ZNF639: variants seen among roughly 807,000 people sequenced by gnomAD.
ZNF639 encodes zinc finger protein 639.
ZNF639 carries 20 observed loss-of-function variants against 39.8 expected under a neutral mutation model. The ratio of observed to expected loss-of-function variants is 0.50; its 90% CI spans 0.35 to 0.73. The LOEUF (loss-of-function observed/expected upper bound fraction) is 0.73, where lower values mean the gene tolerates loss of function less well. Ranked by LOEUF, ZNF639 falls within the 30% of genes least tolerant of loss-of-function variation. The pLI, the probability that ZNF639 is intolerant of heterozygous loss-of-function variation, is 0.00. For synonymous variants in ZNF639, 176 were observed against 189.8 expected (o/e 0.93, Z 0.60); for missense variants, 477 against 566.2 (o/e 0.84, Z 1.60).
chr3:179,328,577 G>A (rs901947383), intron 3 of ZNF639, among the ~76,000 whole-genome samples: 1 of 151,942 alleles, frequency 6.6e-6, no homozygotes, highest in African/African-American at 2.4e-5. Context: ...CAGCTCTATG[G>A]GTTATAAATA....
intron 4 of ZNF639, 181 bp downstream of exon 4, chr3:179,329,909 C>CTT (rs71181282): frequency 0.02 from 4,174 of 208,076 alleles, 211 homozygotes; most frequent in African/African-American, 0.091. Flanking sequence ...TTTAACTATT[C>CTT]TTTTTTTTTT....
At chr3:179,324,633 T>G (rs1026072041) in intron 1 of ZNF639, among the ~76,000 whole-genome samples, 3 of 152,230 alleles carry the variant, frequency 2.0e-5, no homozygotes, top group African/African-American at 7.2e-5. Flanking sequence ...CCGATAGACA[T>G]TTGGTTATCG....
In ZNF639 at chr3:179,323,247, C is replaced by T. The variant is rs1010110461; in HGVS notation, c.-127C>T. On this transcript the variant is annotated 5_prime_UTR_variant, in exon 1 of 6. Coordinates refer to ENST00000496856, the MANE Select transcript of ZNF639 (RefSeq NM_001303426.2). ...CCTCCGCCTGCGCTCTCGGCCGCCG[C>T]CGCCTCTGCGTGGGCCGGCCGGGAG... 3 of 985,238 alleles carry T rather than the reference C, an allele frequency of 3.0e-6. No individual in the cohort carries two copies. Among genetic ancestry groups the T allele is most frequent in the African/African-American group, 3.5e-5 (2 of 57,196 alleles). The allele number at this position is 985,238 out of a possible 1,614,324, so 61.0% of individuals were successfully genotyped here.
rs774184463 is a variant in ZNF639 at position 179,334,096 on chromosome 3, G to A, written c.1132G>A (p.Val378Ile). Reference sequence around the variant, plus strand: ...ATGTAAAAACTTCTTTGTATGTCAAGTATGTGGTTTTCGGAGTAGACTTCA... The same window carrying A: ...ATGTAAAAACTTCTTTGTATGTCAAATATGTGGTTTTCGGAGTAGACTTCA... ...DKCKNFFVCQ[V>I]CGFRSRLHTN... is the part of the protein sequence containing the mutation. Residue 378 changes from valine (V) to isoleucine (I), a missense_variant, in exon 6 of 6, where the codon GTA becomes ATA. Physicochemically the swap from Val to Ile is conservative, Grantham distance 29 (BLOSUM62 3). Coordinates refer to ENST00000496856, the MANE Select transcript of ZNF639 (RefSeq NM_001303426.2). The A allele has an allele frequency of 6.2e-7, 1 of 1,613,816 alleles. No homozygotes were observed. The highest frequency in any genetic ancestry group is 2.2e-5 in the East Asian group (1 of 44,880).
At position 179,327,340 on chromosome 3, in the gene ZNF639, A is replaced by G. The variant is rs1242319422; in HGVS notation, c.-82-221A>G. 2.0e-5 allele frequency among the ~76,000 whole-genome samples: 3 copies of G among 152,230 alleles called. No homozygotes were observed. The East Asian group carries it at 5.8e-4, about 29-fold the overall frequency. ...GACTGTCTCAAAAAAAAAGAACTAT[A>G]GAAGGTAAATCATTTCAAAGAAATG... On this transcript the variant is annotated intron_variant, in intron 1 of 5. Transcript: ENST00000496856.
Position 179,329,685 on chromosome 3 carries a change from C to T in ZNF639, c.126C>T (p.Val42=). The change falls in exon 4 of 6, where the codon GTC becomes GTT. Residue 42 remains valine, a synonymous_variant. Coordinates refer to ENST00000496856, the MANE Select transcript of ZNF639 (RefSeq NM_001303426.2). ...TTTTCTCTGATCATTGTTACAGTGT[C>T]TGTTCTATGAGACAGCCAGATTTAA... ...NGIFSDHCYS[V]CSMRQPDLKY... 1 of 1,608,832 alleles carries T rather than the reference C, an allele frequency of 6.2e-7. No individual in the cohort carries two copies. Among genetic ancestry groups the T allele is most frequent in the Non-Finnish European group, 8.5e-7 (1 of 1,177,576 alleles).
In ZNF639 at chr3:179,323,194, G is replaced by C. The variant is rs1489330915; in HGVS notation, c.-180G>C. ...GGCCGGAGCAGCGCTGCCCGCCGCC[G>C]TGCGTCCGCGGGAAGGACCGCGCGG... On this transcript the variant is annotated 5_prime_UTR_variant, in exon 1 of 6. Coordinates refer to ENST00000496856, the MANE Select transcript of ZNF639 (RefSeq NM_001303426.2). 4 of 984,776 alleles carry C rather than the reference G, an allele frequency of 4.1e-6. No homozygotes were observed. The highest frequency in any genetic ancestry group is 1.2e-4 in the Admixed American group (2 of 16,194). 61.0% of individuals were successfully genotyped at this position (984,776 alleles called of 1,614,324 possible).
rs957139315 is a variant in ZNF639, at chr3:179,335,948, T to C, written c.*1526T>C. ...TGGGGTTAACAGGCGTCAGCCACCA[T>C]GCCAGGCTAATTTTGTATTTTTAGT... is the stretch of plus-strand genomic sequence containing the variant. On this transcript the variant is annotated 3_prime_UTR_variant, in exon 6 of 6. Coordinates refer to ENST00000496856, the MANE Select transcript of ZNF639 (RefSeq NM_001303426.2). 2.6e-5 allele frequency: 4 copies of C among 152,060 alleles called. No homozygotes were observed. Among genetic ancestry groups the C allele is most frequent in the Non-Finnish European group, 4.4e-5 (3 of 68,038 alleles). 9.4% of individuals were successfully genotyped at this position (152,060 alleles called of 1,614,324 possible). A position where few individuals can be genotyped will look rare whatever the true frequency, so the allele number is the denominator to read the frequency against.
At position 179,337,918 on chromosome 3, in the gene ZNF639, C is replaced by T. The variant is rs1711601991; in HGVS notation, c.*3496C>T. Reference sequence around the variant, plus strand: ...GAGTAGCTGGGATACAGGTGCCCACCACCACACCCAGCTAATTTTTCTATT... The same window carrying T: ...GAGTAGCTGGGATACAGGTGCCCACTACCACACCCAGCTAATTTTTCTATT... On this transcript the variant is annotated 3_prime_UTR_variant, in exon 6 of 6. Transcript: ENST00000496856. 6.6e-6 allele frequency: 1 copy of T among 152,180 alleles called. No individual in the cohort carries two copies. Among genetic ancestry groups the T allele is most frequent in the African/African-American group, 2.4e-5 (1 of 41,400 alleles). The allele number at this position is 152,180 out of a possible 1,614,324, so 9.4% of individuals were successfully genotyped here. A position where few individuals can be genotyped will look rare whatever the true frequency, so the allele number is the denominator to read the frequency against.
Position 179,333,342 on chromosome 3 carries a change from G to T in ZNF639, c.378G>T (p.Glu126Asp). The change falls in exon 6 of 6, where the codon GAG becomes GAT. Residue 126 changes from glutamate to aspartate, a missense_variant. By Grantham distance (45) the Glu-to-Asp change is conservative. Transcript: ENST00000496856. ...SPESVNQQTQ[E>D]ESPIEVHTAE... ...AATCAGTCAACCAGCAAACCCAAGA[G>T]GAGAGTCCTATAGAAGTTCACACTG... The T allele has an allele frequency of 6.2e-7, 1 of 1,614,030 alleles. No homozygotes were observed. The highest frequency in any genetic ancestry group is 8.5e-7 in the Non-Finnish European group (1 of 1,179,986).
At chr3:179,329,517 A>G (rs760874602) in intron 3 of ZNF639, 101 bp from the exon 4 acceptor site, 81 of 683,534 alleles carry the variant, frequency 1.2e-4, no homozygotes, top group Non-Finnish European at 2.0e-4. Context: ...TACAGATACT[A>G]TAATTAACAT....
At chr3:179,326,787 G>T (rs1048025118) in intron 1 of ZNF639, among the ~76,000 whole-genome samples, 4 of 151,542 alleles carry the variant, frequency 2.6e-5, no homozygotes, top group African/African-American at 9.7e-5. Context: ...CATCACACCC[G>T]GCTGATTTTT....
chr3:179,325,913 G>A (rs1727564718), intron 1 of ZNF639, among the ~76,000 whole-genome samples: 1 of 151,982 alleles, frequency 6.6e-6, no homozygotes, highest in Admixed American at 6.6e-5. Context: ...AACTGAAAAA[G>A]CACTATCTCA....
chr3:179,324,046 C>A (rs1560177318), intron 1 of ZNF639, among the ~76,000 whole-genome samples: 1 of 151,982 alleles, frequency 6.6e-6, no homozygotes, highest in African/African-American at 2.4e-5. Flanking sequence ...GATTCTAGTT[C>A]AGGCTCTCCT....
rs1343167034 is a variant in ZNF639 at position 179,329,726 on chromosome 3, A to G, written c.167A>G (p.Lys56Arg). ...CCAGATTTAAAATATTTTGACAACA[A>G]AGGTATATCTAATATTTTCGAAAAT... is the stretch of plus-strand genomic sequence containing the variant. Reference protein sequence around the residue: ...RQPDLKYFDNKDDDSDTETSN... With the variant: ...RQPDLKYFDNRDDDSDTETSN... The change falls in exon 4 of 6, where the codon AAA (lysine) becomes AGA (arginine). Residue 56 changes from lysine to arginine, a missense_variant and splice_region_variant. Transcript: ENST00000496856. 6.4e-7 allele frequency: 1 copy of G among 1,563,358 alleles called. No homozygotes were observed. The highest frequency in any genetic ancestry group is 1.2e-5 in the South Asian group (1 of 86,050).
chr3:179,332,609 C>G (rs1347756055), intron 4 of ZNF639, among the ~76,000 whole-genome samples: 1 of 152,170 alleles, frequency 6.6e-6, no homozygotes, highest in Non-Finnish European at 1.5e-5. Context: ...GCAGACTGAG[C>G]AAAACTTGGT....
rs1359490874 is a variant in ZNF639 at position 179,334,287 on chromosome 3, A to G, written c.1323A>G (p.Gly441=). 6.2e-7 allele frequency: 1 copy of G among 1,612,998 alleles called. No homozygotes were observed. Among genetic ancestry groups the G allele is most frequent in the Non-Finnish European group, 8.5e-7 (1 of 1,179,422 alleles). The change falls in exon 6 of 6, where the codon GGA becomes GGG. Residue 441 remains glycine (G), a synonymous_variant. Coordinates refer to ENST00000496856, the MANE Select transcript of ZNF639 (RefSeq NM_001303426.2). ...YLCQYCEYST[G]QIEDLKIHLD... ...GTCAATATTGTGAATATTCAACAGGACAAATTGAAGATCTTAAAATTCATC... is the reference window on the plus strand; with the variant it reads ...GTCAATATTGTGAATATTCAACAGGGCAAATTGAAGATCTTAAAATTCATC...
At chr3:179,327,988 A>T (rs957079710) in intron 2 of ZNF639, 1 of 218,258 alleles carries the variant, frequency 4.6e-6, no homozygotes, top group Non-Finnish European at 9.1e-6. Context: ...AAATAAAATG[A>T]CTTAAACATG....
Position 179,334,161 on chromosome 3 carries a change from A to C in ZNF639, c.1197A>C (p.Lys399Asn). The C allele has an allele frequency of 6.2e-7, 1 of 1,614,164 alleles. No individual in the cohort carries two copies. The highest frequency in any genetic ancestry group is 8.5e-7 in the Non-Finnish European group (1 of 1,180,000). The change falls in exon 6 of 6, where the codon AAA (lysine) becomes AAC (asparagine). Residue 399 changes from lysine (K) to asparagine (N), a missense_variant. By Grantham distance (94) the Lys-to-Asn change is moderately conservative. Transcript: ENST00000496856. ...VNRHVAIEHT[K>N]IFPHVCDDCG... ...GGCATGTTGCTATTGAACATACAAA[A>C]ATTTTTCCTCATGTTTGTGATGACT...
Sources: gnomAD v4.1 joint callset for allele counts (sites outside exome capture counted in the v4.1 genomes callset) on GRCh38, gnomAD v4.1.1 for gene constraint, MANE v1.5 for transcripts, NCBI Gene and HGNC (gene_info 2026-07-23, HGNC 2026-07-21) for gene names.